Variants in STPG2 observed in about 807,000 individuals in gnomAD.
STPG2 encodes the protein sperm tail PG-rich repeat containing 2.
Under a neutral mutation model 54.2 loss-of-function variants are expected in STPG2, and 56 were observed. The observed-to-expected ratio is 1.03, with a 90% CI of 0.83 to 1.29. STPG2 has a LOEUF of 1.29. Among genes scored for constraint, STPG2 ranks in the 50% most tolerant of loss-of-function variants. STPG2 has a pLI of 0.00. For synonymous variants in STPG2, 200 were observed against 181.8 expected (o/e 1.10, Z -0.81); for missense variants, 596 against 544.9 (o/e 1.09, Z -0.93).
At chr4:97,645,623 C>T (rs1390296918) in intron 10 of STPG2, among the ~76,000 whole-genome samples, 2 of 152,064 alleles carry the variant, frequency 1.3e-5, no homozygotes, top group African/African-American at 4.8e-5. Flanking sequence ...GGGGGGTTGG[C>T]AACCCTTTGT....
intron 4 of STPG2, among the ~76,000 whole-genome samples, chr4:97,461,775 G>A (rs1729670542): frequency 6.6e-6 from 1 of 151,964 alleles, no homozygotes; most frequent in South Asian, 2.1e-4. Context: ...TAATGTGCCT[G>A]TTCAAGTCTT....
In STPG2 at chr4:98,105,960, T is replaced by A. The variant is rs1424002338; in HGVS notation, c.605A>T (p.Lys202Ile). 1 of 1,567,162 alleles carries A rather than the reference T, an allele frequency of 6.4e-7. No homozygotes were observed. Among genetic ancestry groups the A allele is most frequent in the Non-Finnish European group, 8.7e-7 (1 of 1,145,462 alleles). ...RLYEIIVLQE[K>I]KKRFLPMKSI... ...AGCCACTTTTCAACTTACCTTTTTT[T>A]TCTCCTGCAATACTATTATTTCATA... The change falls in exon 5 of 11, where the codon AAA becomes ATA. Residue 202 changes from lysine to isoleucine, a missense_variant. By Grantham distance (102) the Lys-to-Ile change is moderately radical. Coordinates refer to ENST00000295268, the MANE Select transcript of STPG2 (RefSeq NM_174952.3).
At chr4:98,054,473 TAC>T (rs573823143) in intron 5 of STPG2, among the ~76,000 whole-genome samples, 241 of 152,306 alleles carry the variant, frequency 1.6e-3, no homozygotes, top group African/African-American at 5.7e-3. Flanking sequence ...CTTGTTTTGT[TAC>T]AGACTATTAA....
chr4:97,952,753 G>A (rs115222185), intron 7 of STPG2, among the ~76,000 whole-genome samples: 2,026 of 152,240 alleles, frequency 0.013, 44 homozygotes, highest in African/African-American at 0.046. Context: ...AATGCTGGTG[G>A]TGGTAGTAAT....
At chr4:97,615,863 C>T (rs1166088797) in intron 10 of STPG2, among the ~76,000 whole-genome samples, 1 of 150,342 alleles carries the variant, frequency 6.7e-6, no homozygotes, top group Admixed American at 6.7e-5. Context: ...TGGCGAAACC[C>T]GATCTCTACT....
chr4:98,015,620 T>G (rs1243517984), intron 5 of STPG2, among the ~76,000 whole-genome samples: 5 of 152,150 alleles, frequency 3.3e-5, no homozygotes, highest in African/African-American at 1.2e-4. Flanking sequence ...GAGTGTAAAT[T>G]AGTTCAACCA....
intron 10 of STPG2, among the ~76,000 whole-genome samples, chr4:97,675,249 C>A (rs777082215): frequency 2.0e-5 from 3 of 152,044 alleles, no homozygotes; most frequent in Non-Finnish European, 4.4e-5. Flanking sequence ...GTGATCCACC[C>A]GCCTCGGCCT....
At chr4:97,447,982 G>T (rs886595658) in intron 4 of STPG2, among the ~76,000 whole-genome samples, 7 of 152,072 alleles carry the variant, frequency 4.6e-5, no homozygotes, top group Non-Finnish European at 1.0e-4. Flanking sequence ...CCAAGGCTGT[G>T]GGAGCCCCCT....
At chr4:97,547,970 G>T (rs1407227063) in intron 4 of STPG2, among the ~76,000 whole-genome samples, 5 of 151,972 alleles carry the variant, frequency 3.3e-5, no homozygotes, top group African/African-American at 1.2e-4. Context: ...GACCAACGTG[G>T]AGAAACCCTC....
At chr4:97,959,219 G>A (rs1003028463) in intron 7 of STPG2, among the ~76,000 whole-genome samples, 6 of 152,070 alleles carry the variant, frequency 3.9e-5, no homozygotes, top group Admixed American at 3.9e-4. Context: ...TACAGCAAAG[G>A]TAGTGCTAAG....
intron 5 of STPG2, among the ~76,000 whole-genome samples, chr4:98,010,430 A>AG (rs1735709559): frequency 1.3e-5 from 2 of 152,122 alleles, no homozygotes; most frequent in African/African-American, 4.8e-5. Context: ...GCCTGATATA[A>AG]AGAGAGGCAC....
At chr4:97,944,544 C>T (rs1052432720) in intron 7 of STPG2, among the ~76,000 whole-genome samples, 1 of 151,838 alleles carries the variant, frequency 6.6e-6, no homozygotes, top group Admixed American at 6.6e-5. Context: ...GCAATTAATC[C>T]TTGTGATACT....
intron 10 of STPG2, 50 bp from the exon 11 acceptor site, chr4:97,559,167 A>G (rs1271553956): frequency 2.5e-6 from 3 of 1,201,070 alleles, no homozygotes; most frequent in African/African-American, 1.5e-5. Context: ...ACTTACAAAA[A>G]GAAAAATAAT....
chr4:97,777,535 C>A (rs779340652), intron 9 of STPG2, among the ~76,000 whole-genome samples: 1 of 152,150 alleles, frequency 6.6e-6, no homozygotes, highest in Non-Finnish European at 1.5e-5. Flanking sequence ...AGCCATGTTG[C>A]TATACCTGGT....
At chr4:98,078,228 T>C (rs566997258) in intron 5 of STPG2, among the ~76,000 whole-genome samples, 2 of 152,292 alleles carry the variant, frequency 1.3e-5, no homozygotes, top group East Asian at 1.9e-4. Flanking sequence ...ATGGATACTG[T>C]TAAAGGAAAT....
chr4:97,609,746 A>C (rs981426417), intron 10 of STPG2, among the ~76,000 whole-genome samples: 2 of 151,990 alleles, frequency 1.3e-5, no homozygotes, highest in African/African-American at 4.8e-5. Context: ...GGGATCTCTA[A>C]AAATTTAGAG....
intron 9 of STPG2, among the ~76,000 whole-genome samples, chr4:97,825,242 G>T (rs1378818661): frequency 6.6e-6 from 1 of 152,132 alleles, no homozygotes; most frequent in Non-Finnish European, 1.5e-5. Flanking sequence ...GATTTGCATT[G>T]CATTATCTGA....
At chr4:97,885,950 C>T (rs1730550890) in intron 8 of STPG2, among the ~76,000 whole-genome samples, 1 of 151,972 alleles carries the variant, frequency 6.6e-6, no homozygotes, top group Non-Finnish European at 1.5e-5. Context: ...ATAAAATGTT[C>T]TAAGATTAAA....
chr4:98,080,847 CTTA>C (rs957706946), intron 5 of STPG2, among the ~76,000 whole-genome samples: 1 of 152,166 alleles, frequency 6.6e-6, no homozygotes, highest in Non-Finnish European at 1.5e-5. Flanking sequence ...TAAGCCACTT[CTTA>C]TTATGTTTAC....
Sources: allele counts gnomAD v4.1 joint callset (sites outside exome capture counted in the v4.1 genomes callset), GRCh38; gene constraint gnomAD v4.1.1; transcripts MANE v1.5; gene names NCBI Gene and HGNC (gene_info 2026-07-23, HGNC 2026-07-21).